CSGALNACT1: variants seen among roughly 807,000 people sequenced by gnomAD.
The protein encoded by CSGALNACT1 is chondroitin sulfate N-acetylgalactosaminyltransferase 1, also known as beta4GalNAcT-1.
CSGALNACT1 carries 52 observed loss-of-function variants against 51.0 expected under a neutral mutation model. The ratio of observed to expected loss-of-function variants is 1.02; its 90% CI spans 0.82 to 1.29. CSGALNACT1 has a LOEUF of 1.29. Among genes scored for constraint, CSGALNACT1 ranks in the 50% most tolerant of loss-of-function variants. CSGALNACT1 has a pLI of 0.00. For synonymous variants in CSGALNACT1, 341 were observed against 254.4 expected, an observed-to-expected ratio of 1.34 and a Z score of -3.24; for missense variants, 935 against 679.2, an observed-to-expected ratio of 1.38 and a Z score of -4.19.
At chr8:19,620,311 TC>T (rs1564277745) in intron 1 of CSGALNACT1, among the ~76,000 whole-genome samples, 1 of 49,842 alleles carries the variant, frequency 2.0e-5, no homozygotes, top group Non-Finnish European at 3.6e-5. Flanking sequence ...TGAGACTCTG[TC>T]TCAAAAAAAA....
At chr8:19,479,437 T>C (rs1011107866) in intron 4 of CSGALNACT1, among the ~76,000 whole-genome samples, 1 of 152,220 alleles carries the variant, frequency 6.6e-6, no homozygotes, top group African/African-American at 2.4e-5. Context: ...GTTTTATCAG[T>C]GTTAATAATT....
chr8:19,416,839 A>G (rs913136775), intron 8 of CSGALNACT1, among the ~76,000 whole-genome samples: 11 of 151,782 alleles, frequency 7.2e-5, no homozygotes, highest in Non-Finnish European at 1.3e-4. Flanking sequence ...ATTGTTAAGT[A>G]ACACATGACT....
intron 1 of CSGALNACT1, among the ~76,000 whole-genome samples, chr8:19,630,647 C>T (rs1002099423): frequency 6.6e-6 from 1 of 152,196 alleles, no homozygotes; most frequent in Admixed American, 6.5e-5. Context: ...CCCTCCCCCA[C>T]AAAACCACCA....
At chr8:19,521,410 C>T (rs1273931021) in intron 3 of CSGALNACT1, among the ~76,000 whole-genome samples, 2 of 152,198 alleles carry the variant, frequency 1.3e-5, no homozygotes, top group East Asian at 1.9e-4. Flanking sequence ...GGGGCCGGCA[C>T]GGTGACTTAC....
rs187906587 is a variant in CSGALNACT1, at chr8:19,681,445, C to T, written c.-544+1028G>A. Among the ~76,000 whole-genome samples the T allele has an allele frequency of 5.5e-4, 83 of 152,220 alleles. 1 individual carries two copies. In the East Asian group the frequency reaches 0.011, roughly 20 times the overall value. On this transcript the variant is annotated intron_variant, in intron 1 of 9. Coordinates refer to the CSGALNACT1 transcript ENST00000332246. ...CTCCTCCATCACAGCAGACTTCTGT[C>T]GCCACCAGCACAACATTAAAAGGAA...
intron 8 of CSGALNACT1, among the ~76,000 whole-genome samples, chr8:19,412,755 T>A (rs1029325721): frequency 2.0e-5 from 3 of 152,058 alleles, no homozygotes; most frequent in African/African-American, 4.8e-5. Flanking sequence ...GTCATGTCAA[T>A]TACATAGCAG....
intron 1 of CSGALNACT1, among the ~76,000 whole-genome samples, chr8:19,709,260 C>T (rs989378793): frequency 6.6e-6 from 1 of 152,168 alleles, no homozygotes. Context: ...AGTATCCCTT[C>T]AATGCATCTT....
At chr8:19,687,952 G>T (rs987302741) in intron 1 of CSGALNACT1, among the ~76,000 whole-genome samples, 4 of 152,148 alleles carry the variant, frequency 2.6e-5, no homozygotes, top group Admixed American at 6.5e-5. Flanking sequence ...TGACTTACAG[G>T]ATGACAAATA....
At chr8:19,512,487 C>T (rs1391454143) in intron 3 of CSGALNACT1, among the ~76,000 whole-genome samples, 1 of 152,182 alleles carries the variant, frequency 6.6e-6, no homozygotes. Flanking sequence ...AGATAGATAA[C>T]TAATTCACAG....
intron 3 of CSGALNACT1, among the ~76,000 whole-genome samples, chr8:19,553,480 C>A (rs185329277): frequency 2.0e-5 from 3 of 151,662 alleles, no homozygotes; most frequent in African/African-American, 7.3e-5. Flanking sequence ...CTTCTCTCGC[C>A]TATCCCAAAC....
chr8:19,575,589 A>C (rs2044011841), intron 3 of CSGALNACT1, among the ~76,000 whole-genome samples: 1 of 152,272 alleles, frequency 6.6e-6, no homozygotes. Flanking sequence ...AAAACAAAAC[A>C]AAACCTTTGA....
intron 1 of CSGALNACT1, among the ~76,000 whole-genome samples, chr8:19,649,817 AGC>A (rs2057618560): frequency 7.4e-6 from 1 of 134,252 alleles, no homozygotes; most frequent in Non-Finnish European, 1.6e-5. Flanking sequence ...CATTCCAAGT[AGC>A]AAAAAAAAAA....
At chr8:19,688,427 C>T (rs1004218103) in intron 1 of CSGALNACT1, among the ~76,000 whole-genome samples, 6 of 152,116 alleles carry the variant, frequency 3.9e-5, no homozygotes, top group Admixed American at 1.3e-4. Flanking sequence ...CAAGGGGTCA[C>T]GCAGGTGGTG....
chr8:19,742,192 T>A (rs1460033777), intron 1 of CSGALNACT1, among the ~76,000 whole-genome samples: 3 of 152,216 alleles, frequency 2.0e-5, no homozygotes, highest in African/African-American at 7.2e-5. Flanking sequence ...ATCATTCCCA[T>A]TTTATAGACA....
intron 4 of CSGALNACT1, among the ~76,000 whole-genome samples, chr8:19,483,033 T>C (rs892916035): frequency 1.7e-4 from 26 of 152,132 alleles, no homozygotes; most frequent in African/African-American, 5.6e-4. Context: ...ACATAGATGT[T>C]TACTATTATT....
At chr8:19,642,809 G>C (rs2056880026) in intron 1 of CSGALNACT1, among the ~76,000 whole-genome samples, 1 of 150,970 alleles carries the variant, frequency 6.6e-6, no homozygotes, top group Admixed American at 6.6e-5. Flanking sequence ...AAAAATGGCT[G>C]TGGTGGGGAC....
At chr8:19,666,877 GA>G (rs1173593609) in intron 1 of CSGALNACT1, among the ~76,000 whole-genome samples, 1 of 125,774 alleles carries the variant, frequency 8.0e-6, no homozygotes, top group Non-Finnish European at 1.7e-5. Context: ...AAGAAAGAAA[GA>G]AAGAAAGAGA....
chr8:19,677,648 T>A (rs1043640746), intron 1 of CSGALNACT1, among the ~76,000 whole-genome samples: 12 of 152,310 alleles, frequency 7.9e-5, no homozygotes, highest in African/African-American at 2.9e-4. Context: ...GATAGGTTTG[T>A]AAATTTAGTA....
At chr8:19,546,476 C>G (rs2975476) in intron 3 of CSGALNACT1, among the ~76,000 whole-genome samples, 1 of 152,140 alleles carries the variant, frequency 6.6e-6, no homozygotes, top group Non-Finnish European at 1.5e-5. Flanking sequence ...CCTCACTACT[C>G]TTCAATGAAA....
Sources: allele counts gnomAD v4.1 joint callset (sites outside exome capture counted in the v4.1 genomes callset), GRCh38; gene constraint gnomAD v4.1.1; transcripts MANE v1.5; gene names NCBI Gene and HGNC (gene_info 2026-07-23, HGNC 2026-07-21).